The following FSHR variants were observed in gnomAD, a reference collection of about 807,000 sequenced individuals.
FSHR encodes follicle-stimulating hormone receptor.
FSHR carries 46 observed loss-of-function variants against 52.1 expected under a neutral mutation model. The observed-to-expected ratio is 0.88, with a 90% CI of 0.70 to 1.13. The LOEUF (loss-of-function observed/expected upper bound fraction) is 1.13. Ranked by LOEUF, FSHR falls within the 50% of genes most tolerant of loss-of-function variation. The probability of loss-of-function intolerance (pLI) is 0.00; values close to 1 mark genes in which losing one functional copy is unlikely to be tolerated. For missense variants in FSHR, 964 were observed against 834.6 expected (o/e 1.16, Z -1.91); for synonymous variants, 399 against 309.6 (o/e 1.29, Z -3.03).
At chr2:49,151,510 C>T (rs1217371726) in intron 1 of FSHR, among the ~76,000 whole-genome samples, 4 of 151,990 alleles carry the variant, frequency 2.6e-5, no homozygotes, top group Admixed American at 1.3e-4. Context: ...AGCAATCTTT[C>T]GTGATAGCTG....
intron 1 of FSHR, among the ~76,000 whole-genome samples, chr2:49,139,046 G>A (rs1237571720): frequency 1.3e-5 from 2 of 152,104 alleles, no homozygotes; most frequent in Admixed American, 1.3e-4. Context: ...CTACCCACAT[G>A]ATCTTAGACA....
intron 1 of FSHR, among the ~76,000 whole-genome samples, chr2:49,130,949 T>C (rs1672242131): frequency 6.6e-6 from 1 of 152,086 alleles, no homozygotes; most frequent in Non-Finnish European, 1.5e-5. Context: ...TCCGGGGAGG[T>C]AAATGGGCTT....
Position 48,962,514 on chromosome 2 carries a change from A to C in FSHR, c.*219T>G. ...CATATATAAGGATAAAATATGTAAT[A>C]CAGTATTGCATTCTTTAATTATTAT... On this transcript the variant is annotated 3_prime_UTR_variant, in exon 10 of 10. Transcript: ENST00000406846. The C allele has an allele frequency of 1.8e-6, 1 of 568,592 alleles. No individual in the cohort carries two copies. The highest frequency in any genetic ancestry group is 3.1e-6 in the Non-Finnish European group (1 of 320,464). The allele number at this position is 568,592 out of a possible 1,614,324, so 35.2% of individuals were successfully genotyped here. A position where few individuals can be genotyped will look rare whatever the true frequency, so the allele number is the denominator to read the frequency against.
At chr2:49,042,246 C>T (rs12465332) in intron 2 of FSHR, among the ~76,000 whole-genome samples, 4 of 151,986 alleles carry the variant, frequency 2.6e-5, no homozygotes, top group South Asian at 2.1e-4. Context: ...TTTTTTCCCC[C>T]GAGTGACTTA....
chr2:49,012,135 G>A (rs1038300587), intron 4 of FSHR, among the ~76,000 whole-genome samples: 3 of 152,084 alleles, frequency 2.0e-5, no homozygotes, highest in Non-Finnish European at 2.9e-5. Context: ...TGTGTGAAAG[G>A]TTTGCTAAAA....
At position 48,968,767 on chromosome 2, in the gene FSHR, A is replaced by G. The variant is rs1466709537; in HGVS notation, c.785T>C (p.Val262Ala). Residue 262 changes from valine to alanine, a missense_variant, in exon 9 of 10, where the codon GTC becomes GCC. Transcript: ENST00000406846. ...LKKLPTLEKL[V>A]ALMEASLTYP... Reference sequence around the variant, plus strand: ...GGTGAGGCTGGCTTCCATGAGGGCGACAAGCTTTTCCAGAGTAGGCAGCTT... The same window carrying G: ...GGTGAGGCTGGCTTCCATGAGGGCGGCAAGCTTTTCCAGAGTAGGCAGCTT... 6.2e-7 allele frequency: 1 copy of G among 1,614,166 alleles called. No individual in the cohort carries two copies. The highest frequency in any genetic ancestry group is 1.1e-5 in the South Asian group (1 of 91,084).
At chr2:49,130,690 C>G (rs567306013) in intron 1 of FSHR, among the ~76,000 whole-genome samples, 1 of 152,122 alleles carries the variant, frequency 6.6e-6, no homozygotes, top group Admixed American at 6.6e-5. Context: ...GATACTTTAT[C>G]CCTCAGGGGC....
intron 1 of FSHR, among the ~76,000 whole-genome samples, chr2:49,079,304 C>T (rs1416657759): frequency 6.6e-6 from 1 of 152,052 alleles, no homozygotes; most frequent in Non-Finnish European, 1.5e-5. Context: ...TCAGTTTAAT[C>T]CACATCAGTA....
At chr2:49,018,369 T>C (rs1337835572) in intron 3 of FSHR, among the ~76,000 whole-genome samples, 1 of 152,210 alleles carries the variant, frequency 6.6e-6, no homozygotes, top group African/African-American at 2.4e-5. Context: ...TTTGTAGACA[T>C]GCTCTCTGTT....
chr2:49,113,106 G>T (rs1040795925), intron 1 of FSHR, among the ~76,000 whole-genome samples: 1 of 152,158 alleles, frequency 6.6e-6, no homozygotes, highest in African/African-American at 2.4e-5. Context: ...AAGAGGTGAA[G>T]ATGGAGACAA....
At chr2:49,085,779 CA>C (rs1251642080) in intron 1 of FSHR, among the ~76,000 whole-genome samples, 1 of 152,120 alleles carries the variant, frequency 6.6e-6, no homozygotes, top group African/African-American at 2.4e-5. Context: ...GAATACTATG[CA>C]GCCATAAAAA....
intron 1 of FSHR, among the ~76,000 whole-genome samples, chr2:49,134,337 G>C (rs1672407190): frequency 6.6e-6 from 1 of 152,238 alleles, no homozygotes; most frequent in African/African-American, 2.4e-5. Flanking sequence ...CTGGCCATCA[G>C]AGAAATGCAA....
At chr2:49,122,541 G>C (rs536621147) in intron 1 of FSHR, among the ~76,000 whole-genome samples, 40 of 152,072 alleles carry the variant, frequency 2.6e-4, no homozygotes, top group Non-Finnish European at 4.0e-4. Context: ...TTTTATCCTG[G>C]CTGAGAGTGT....
intron 4 of FSHR, among the ~76,000 whole-genome samples, chr2:48,999,517 C>G (rs1025369711): frequency 1.3e-5 from 2 of 152,040 alleles, no homozygotes; most frequent in Non-Finnish European, 2.9e-5. Flanking sequence ...GGTTCCTTAT[C>G]TCTGCAACCA....
chr2:49,117,762 C>T (rs1671657579), intron 1 of FSHR, among the ~76,000 whole-genome samples: 1 of 152,176 alleles, frequency 6.6e-6, no homozygotes, highest in Non-Finnish European at 1.5e-5. Context: ...TCTATGTGCT[C>T]TTTGCTGTTT....
chr2:49,032,294 T>C (rs1402826258), intron 2 of FSHR, among the ~76,000 whole-genome samples: 1 of 152,220 alleles, frequency 6.6e-6, no homozygotes, highest in Admixed American at 6.5e-5. Context: ...GCACTTCTGT[T>C]TGTAGGCCCC....
chr2:49,030,366 T>C (rs1668059037), intron 2 of FSHR, among the ~76,000 whole-genome samples: 2 of 151,638 alleles, frequency 1.3e-5, no homozygotes, highest in African/African-American at 4.8e-5. Context: ...CCCCAAAACC[T>C]TCCTTAATAA....
At chr2:48,982,627 G>A (rs1225834899) in intron 8 of FSHR, among the ~76,000 whole-genome samples, 2 of 152,124 alleles carry the variant, frequency 1.3e-5, no homozygotes, top group African/African-American at 4.8e-5. Context: ...CTACCACAGG[G>A]GGTGATTATA....
chr2:49,026,350 ATAATAGCTAACGTTTAT>A (rs1667910316), intron 2 of FSHR, among the ~76,000 whole-genome samples: 1 of 152,244 alleles, frequency 6.6e-6, no homozygotes, highest in Non-Finnish European at 1.5e-5. Flanking sequence ...AATCACAGTC[ATAATAGCTAACGTTTAT>A]TAAGCACTTA....
Sources: allele counts gnomAD v4.1 joint callset (sites outside exome capture counted in the v4.1 genomes callset), GRCh38; gene constraint gnomAD v4.1.1; transcripts MANE v1.5; gene names NCBI Gene and HGNC (gene_info 2026-07-23, HGNC 2026-07-21).